The following PIK3C2G variants were observed in gnomAD, a reference collection of about 807,000 sequenced individuals.
PIK3C2G encodes the protein phosphatidylinositol 3-kinase C2 domain-containing subunit gamma.
Under a neutral mutation model 181.1 loss-of-function variants are expected in PIK3C2G, and 168 were observed. The observed-to-expected ratio is 0.93, with a 90% confidence interval of 0.82 to 1.05. The LOEUF is 1.05. Among genes scored for constraint, PIK3C2G ranks in the 50% least tolerant of loss-of-function variants. The pLI, the probability that PIK3C2G is intolerant of heterozygous loss-of-function variation, is 0.00. For missense variants in PIK3C2G, 1,869 were observed against 1,732.8 expected, an observed-to-expected ratio of 1.08 and a Z score of -1.40; for synonymous variants, 573 against 592.2, an observed-to-expected ratio of 0.97 and a Z score of 0.47.
intron 30 of PIK3C2G, among the ~76,000 whole-genome samples, chr12:18,601,140 T>C (rs769421039): frequency 1.3e-5 from 2 of 152,002 alleles, no homozygotes; most frequent in Non-Finnish European, 2.9e-5. Context: ...AACAGTTCAA[T>C]ATTAGTACTA....
At chr12:18,451,779 AG>A (rs1262741272) in intron 18 of PIK3C2G, among the ~76,000 whole-genome samples, 5 of 152,192 alleles carry the variant, frequency 3.3e-5, no homozygotes, top group Admixed American at 1.3e-4. Context: ...TTTAGCATGA[AG>A]GGGTGTTGAA....
chr12:18,622,136 T>C (rs1948890769), intron 31 of PIK3C2G, among the ~76,000 whole-genome samples: 2 of 151,890 alleles, frequency 1.3e-5, no homozygotes, highest in Admixed American at 1.3e-4. Flanking sequence ...TTCAGCATGC[T>C]GTGCTATTGA....
chr12:18,254,156 C>A (rs533512664), intron 1 of PIK3C2G, among the ~76,000 whole-genome samples: 313 of 152,068 alleles, frequency 2.1e-3, no homozygotes, highest in African/African-American at 7.3e-3. Context: ...TAAAAACCAA[C>A]CCTCTATTTT....
In PIK3C2G at chr12:18,425,871, A is replaced by G. The variant is rs150764488; in HGVS notation, c.2504+1832A>G. Among the ~76,000 whole-genome samples, 514 of 152,332 alleles carry G rather than the reference A, an allele frequency of 3.4e-3. 3 individuals carry two copies. Among genetic ancestry groups the G allele is most frequent in the African/African-American group, 0.012 (484 of 41,566 alleles). ...TAAGAGTTATTTATAAATGAAATAAAATTTCTAATTAGGCCAATCCATGTA... is the reference window on the plus strand; with the variant it reads ...TAAGAGTTATTTATAAATGAAATAAGATTTCTAATTAGGCCAATCCATGTA... On this transcript the variant is annotated intron_variant, in intron 18 of 32. Coordinates refer to ENST00000538779, the MANE Select transcript of PIK3C2G (RefSeq NM_001288772.2).
chr12:18,679,997 A>G, the PIK3C2G span, among the ~76,000 whole-genome samples: 1 of 152,130 alleles, frequency 6.6e-6, no homozygotes, highest in South Asian at 2.1e-4. Context: ...TATGAATCCT[A>G]TAGAATGCTC....
intron 18 of PIK3C2G, among the ~76,000 whole-genome samples, chr12:18,462,827 A>G (rs540337074): frequency 2.0e-4 from 31 of 152,268 alleles, no homozygotes; most frequent in African/African-American, 6.7e-4. Flanking sequence ...GCTGCTTCCT[A>G]AAGATTAACT....
intron 17 of PIK3C2G, among the ~76,000 whole-genome samples, chr12:18,423,706 C>T (rs1324689962): frequency 1.3e-5 from 2 of 152,088 alleles, no homozygotes; most frequent in African/African-American, 2.4e-5. Flanking sequence ...ACCACCTGCC[C>T]TTATTTCTTA....
At chr12:18,530,947 A>G (rs184676500) in intron 24 of PIK3C2G, among the ~76,000 whole-genome samples, 118 of 152,240 alleles carry the variant, frequency 7.8e-4, no homozygotes, top group African/African-American at 2.7e-3. Context: ...TAGCAGTGTG[A>G]GAATGGAATA....
chr12:18,254,829 G>A (rs1864732535), intron 1 of PIK3C2G, among the ~76,000 whole-genome samples: 1 of 151,876 alleles, frequency 6.6e-6, no homozygotes, highest in African/African-American at 2.4e-5. Flanking sequence ...TCCAGCCTAG[G>A]TGACAGAGTG....
intron 18 of PIK3C2G, among the ~76,000 whole-genome samples, chr12:18,443,343 T>C (rs1054855228): frequency 1.3e-5 from 2 of 152,144 alleles, no homozygotes; most frequent in African/African-American, 4.8e-5. Context: ...TATGTATATA[T>C]AATTTTTCAC....
At chr12:18,584,538 A>G (rs946015605) in intron 29 of PIK3C2G, among the ~76,000 whole-genome samples, 1 of 152,166 alleles carries the variant, frequency 6.6e-6, no homozygotes, top group African/African-American at 2.4e-5. Flanking sequence ...AGACATATGG[A>G]ATCAAGTAAA....
intron 31 of PIK3C2G, among the ~76,000 whole-genome samples, chr12:18,632,964 CATTAA>C (rs202107008): frequency 0.018 from 2,674 of 152,228 alleles, 35 homozygotes; most frequent in Non-Finnish European, 0.028. Context: ...CAAGTTGACA[CATTAA>C]ATTAACCATC....
At chr12:18,566,911 C>A in intron 28 of PIK3C2G, 38 bp from the exon 29 acceptor site, 1 of 1,060,088 alleles carries the variant, frequency 9.4e-7, no homozygotes, top group Non-Finnish European at 1.5e-6. Context: ...GGCCAGTTTT[C>A]AAACTAATGA....
At chr12:18,552,859 A>C (rs1944804606) in intron 26 of PIK3C2G, among the ~76,000 whole-genome samples, 1 of 152,080 alleles carries the variant, frequency 6.6e-6, no homozygotes, top group African/African-American at 2.4e-5. Context: ...AATTTGCCTA[A>C]ATTGCCTAAA....
At chr12:18,720,166 T>C in the PIK3C2G span, among the ~76,000 whole-genome samples, 1 of 152,100 alleles carries the variant, frequency 6.6e-6, no homozygotes, top group South Asian at 2.1e-4. Flanking sequence ...AGATTTACTC[T>C]TGTAGTTGCA....
chr12:18,546,646 T>C (rs1161353703), intron 26 of PIK3C2G, among the ~76,000 whole-genome samples: 2 of 152,062 alleles, frequency 1.3e-5, no homozygotes, highest in African/African-American at 4.8e-5. Flanking sequence ...CATTGTTTGC[T>C]AACCAGCCTC....
chr12:18,553,432 C>A (rs79940115), intron 26 of PIK3C2G, among the ~76,000 whole-genome samples: 6,792 of 152,078 alleles, frequency 0.045, 342 homozygotes, highest in African/African-American at 0.13. Context: ...GATTTGGTCA[C>A]TTTCATAAGG....
At chr12:18,252,594 G>A (rs1254132267) in intron 1 of PIK3C2G, among the ~76,000 whole-genome samples, 1 of 152,170 alleles carries the variant, frequency 6.6e-6, no homozygotes, top group African/African-American at 2.4e-5. Context: ...GGCTAGTCGT[G>A]CAGGAATGTA....
intron 25 of PIK3C2G, among the ~76,000 whole-genome samples, chr12:18,541,264 G>A (rs1944135889): frequency 6.6e-6 from 1 of 151,908 alleles, no homozygotes; most frequent in Non-Finnish European, 1.5e-5. Flanking sequence ...GTAAAGAGCA[G>A]CATGTCTCCA....
Sources: gnomAD v4.1 joint callset for allele counts (sites outside exome capture counted in the v4.1 genomes callset) on GRCh38, gnomAD v4.1.1 for gene constraint, MANE v1.5 for transcripts, NCBI Gene and HGNC (gene_info 2026-07-23, HGNC 2026-07-21) for gene names.